Variants in CPNE5 observed in about 807,000 individuals in gnomAD.
CPNE5 encodes copine 5.
Under a neutral mutation model 81.1 loss-of-function variants are expected in CPNE5, and 42 were observed. The ratio of observed to expected loss-of-function variants is 0.52; its 90% confidence interval spans 0.40 to 0.67. CPNE5 has a LOEUF of 0.67. CPNE5 is among the 30% of genes least tolerant of loss of function. CPNE5 has a pLI of 0.00. For missense variants in CPNE5, 612 were observed against 815.5 expected (o/e 0.75, Z 3.04); for synonymous variants, 313 against 321.5 (o/e 0.97, Z 0.28).
chr6:36,814,716 T>G (rs1179774223), intron 3 of CPNE5, among the ~76,000 whole-genome samples: 1 of 152,186 alleles, frequency 6.6e-6, no homozygotes, highest in Admixed American at 6.5e-5. Flanking sequence ...GGACACATGC[T>G]GTCCAGGAGG....
In CPNE5 at chr6:36,746,035, C is replaced by T. The variant is rs887932079; in HGVS notation, c.1200+361G>A. The stretch of plus-strand genomic sequence containing the variant: ...CATGCTCCACATCACCCTGGAGATC[C>T]ACGTCATCCCATCTCAGCACTGACT... On this transcript the variant is annotated intron_variant, in intron 16 of 20. Coordinates refer to ENST00000244751, the MANE Select transcript of CPNE5 (RefSeq NM_020939.2). This position sits in a 1 kb window ranked among gnomAD's most constrained non-coding sequence, Gnocchi z 4.5. 3 of 330,930 alleles carry T rather than the reference C, an allele frequency of 9.1e-6. No homozygotes were observed. The highest frequency in any genetic ancestry group is 6.5e-5 in the Admixed American group (1 of 15,480). The allele number at this position is 330,930 out of a possible 1,614,324, so 20.5% of individuals were successfully genotyped here.
intron 12 of CPNE5, among the ~76,000 whole-genome samples, chr6:36,760,067 A>G (rs1765869901): frequency 6.8e-6 from 1 of 147,906 alleles, no homozygotes; most frequent in Admixed American, 6.8e-5. Context: ...AAAAAAAAAA[A>G]TCGCCAGGGT....
At chr6:36,801,442 T>C (rs1770090706) in intron 3 of CPNE5, among the ~76,000 whole-genome samples, 1 of 152,082 alleles carries the variant, frequency 6.6e-6, no homozygotes, top group Non-Finnish European at 1.5e-5. Context: ...GGAGGCTCCA[T>C]AGGCCATAGA....
rs41272180 is a variant in CPNE5, at chr6:36,745,369, C to T, written c.1328+19G>A. ...CAGAGGCCTTGTGAGTGCCTGGAGG[C>T]GGTGGCAGCGGCACTCACCTGGCCA... On this transcript the variant is annotated intron_variant, in intron 17 of 20. Transcript: ENST00000244751. 1,559 of 1,597,390 alleles carry T rather than the reference C, an allele frequency of 9.8e-4. 1 individual carries two copies. The highest frequency in any genetic ancestry group is 3.3e-3 in the Middle Eastern group (18 of 5,444).
intron 17 of CPNE5, 106 bp from the exon 18 acceptor site, chr6:36,745,256 A>G (rs1388335899): frequency 2.8e-6 from 4 of 1,418,636 alleles, no homozygotes; most frequent in Non-Finnish European, 3.9e-6. Context: ...TCTTGGGGGA[A>G]TCTCTTCAGG....
At chr6:36,744,438 G>A in intron 18 of CPNE5, 113 bp from the exon 19 acceptor site, 1 of 793,454 alleles carries the variant, frequency 1.3e-6, no homozygotes. Context: ...AAATGGGAGA[G>A]TGAACATGGA....
chr6:36,778,835 G>C lies in CPNE5; in HGVS notation c.632+19C>G. The C allele has an allele frequency of 6.6e-7, 1 of 1,515,266 alleles. No individual in the cohort carries two copies. The allele number at this position is 1,515,266 out of a possible 1,614,324, so 93.9% of individuals were successfully genotyped here. On this transcript the variant is annotated intron_variant, in intron 9 of 20. Coordinates refer to ENST00000244751, the MANE Select transcript of CPNE5 (RefSeq NM_020939.2). ...AGGGACGAGAAGGTGCAGTGCACAA[G>C]TGTCCCCAGAAAACTCACGTTCCAT...
At chr6:36,821,828 C>T (rs889644502) in intron 3 of CPNE5, among the ~76,000 whole-genome samples, 7 of 152,126 alleles carry the variant, frequency 4.6e-5, no homozygotes, top group African/African-American at 1.2e-4. Flanking sequence ...AAGGTCTTAA[C>T]GGGCACGGAC....
intron 1 of CPNE5, chr6:36,827,320 C>T: frequency 1.0e-6 from 1 of 985,412 alleles, no homozygotes; most frequent in Non-Finnish European, 1.2e-6. Flanking sequence ...GCCTGCTAAA[C>T]CTCCTACCTT....
rs73414222 is a variant in CPNE5, at chr6:36,747,764, G to A, written c.1018+457C>T. Among the ~76,000 whole-genome samples, 1,317 of 152,342 alleles carry A rather than the reference G, an allele frequency of 8.6e-3. 11 individuals carry two copies. The highest frequency in any genetic ancestry group is 0.026 in the African/African-American group (1,095 of 41,568). On this transcript the variant is annotated intron_variant, in intron 15 of 20. Coordinates refer to ENST00000244751, the MANE Select transcript of CPNE5 (RefSeq NM_020939.2). The stretch of plus-strand genomic sequence containing the variant: ...CAGGCTGACACTGGAGAAATTGGGA[G>A]GAGGTAAGGAAGCCAGGGCAGCCCC...
upstream of CPNE5, chr6:36,839,586 G>A: frequency 2.2e-6 from 1 of 463,864 alleles, no homozygotes; most frequent in Non-Finnish European, 3.8e-6. The surrounding 1 kb of genome is among the most constrained non-coding windows in gnomAD (Gnocchi z 7.3). Flanking sequence ...GGGGGCTCGG[G>A]TGACGCCGCG....
chr6:36,790,271 C>T (rs1768964017), intron 8 of CPNE5, among the ~76,000 whole-genome samples: 1 of 152,214 alleles, frequency 6.6e-6, no homozygotes, highest in African/African-American at 2.4e-5. Context: ...AAACCACTTA[C>T]CACAGTGTAT....
At chr6:36,761,977 C>T (rs565061943) in intron 12 of CPNE5, among the ~76,000 whole-genome samples, 3 of 152,178 alleles carry the variant, frequency 2.0e-5, no homozygotes, top group African/African-American at 7.2e-5. Context: ...CACAGTAGAA[C>T]GCGGTGGCTC....
intron 3 of CPNE5, among the ~76,000 whole-genome samples, chr6:36,809,192 C>T (rs1322339652): frequency 6.6e-6 from 1 of 151,860 alleles, no homozygotes; most frequent in Non-Finnish European, 1.5e-5. Flanking sequence ...CTTGCAGCCC[C>T]TACGCAGAGA....
Position 36,746,721 on chromosome 6 carries a change from C to A in CPNE5, c.1019-144G>T. ...CTTTCTCTCATACCCCATGTTAAATCCTTCAGCAAAACAGATCTAGAATCC... is the reference window on the plus strand; with the variant it reads ...CTTTCTCTCATACCCCATGTTAAATACTTCAGCAAAACAGATCTAGAATCC... On this transcript the variant is annotated intron_variant, in intron 15 of 20. Coordinates refer to ENST00000244751, the MANE Select transcript of CPNE5 (RefSeq NM_020939.2). This position sits in a 1 kb window ranked among gnomAD's most constrained non-coding sequence, Gnocchi z 4.5. The A allele has an allele frequency of 1.5e-6, 1 of 680,054 alleles. No individual in the cohort carries two copies. Among genetic ancestry groups the A allele is most frequent in the Non-Finnish European group, 2.4e-6 (1 of 411,242 alleles). 42.1% of individuals were successfully genotyped at this position (680,054 alleles called of 1,614,324 possible).
intron 8 of CPNE5, among the ~76,000 whole-genome samples, chr6:36,786,012 CAAAAAAAAAAA>C (rs36060316): frequency 1.2e-5 from 1 of 83,856 alleles, no homozygotes; most frequent in Non-Finnish European, 2.3e-5. Context: ...GACTCCGTCT[CAAAAAAAAAAA>C]AAAAAAAAAA....
At chr6:36,808,754 G>C (rs867573220) in intron 3 of CPNE5, among the ~76,000 whole-genome samples, 3 of 152,288 alleles carry the variant, frequency 2.0e-5, no homozygotes, top group Non-Finnish European at 4.4e-5. Context: ...TGCGTGCCAC[G>C]CACTAAGTGT....
intron 13 of CPNE5, chr6:36,754,374 A>C (rs1385573173): frequency 2.6e-5 from 4 of 152,184 alleles, no homozygotes; most frequent in African/African-American, 9.7e-5. Context: ...CCCCTATTCA[A>C]AGGGTAGTGT....
chr6:36,800,201 C>T (rs1769982052), intron 3 of CPNE5, 131 bp from the exon 4 acceptor site: 3 of 616,992 alleles, frequency 4.9e-6, no homozygotes, highest in African/African-American at 3.7e-5. Flanking sequence ...TCTCTCCAGG[C>T]TCCTGACATC....
Sources: gnomAD v4.1 joint callset for allele counts (sites outside exome capture counted in the v4.1 genomes callset) on GRCh38, gnomAD v4.1.1 for gene constraint, Gnocchi (gnomAD v3.1) non-coding constraint, MANE v1.5 for transcripts, NCBI Gene and HGNC (gene_info 2026-07-23, HGNC 2026-07-21) for gene names.